The following SAMD3 variants were observed in gnomAD, a reference collection of about 807,000 sequenced individuals.
SAMD3 encodes the protein sterile alpha motif domain containing 3.
In SAMD3, 63 loss-of-function variants were observed where a neutral mutation model predicts 58.5. That is an observed-to-expected ratio of 1.08 (90% CI 0.88 to 1.33). SAMD3 has a LOEUF of 1.33. SAMD3 is among the 40% of genes most tolerant of loss of function. The pLI is 0.00. For synonymous variants in SAMD3, 220 were observed against 210.3 expected (o/e 1.05, Z -0.40); for missense variants, 604 against 608.4 (o/e 0.99, Z 0.08).
At chr6:130,269,583 G>A (rs1430119671) in intron 2 of SAMD3, among the ~76,000 whole-genome samples, 2 of 151,920 alleles carry the variant, frequency 1.3e-5, no homozygotes, top group Non-Finnish European at 2.9e-5. Flanking sequence ...TTCTGATATT[G>A]GTAATATGTG....
intron 2 of SAMD3, among the ~76,000 whole-genome samples, chr6:130,270,175 T>G (rs1774509313): frequency 6.6e-6 from 1 of 152,158 alleles, no homozygotes; most frequent in Non-Finnish European, 1.5e-5. Context: ...CACTGAAATT[T>G]CTGCCTCCCA....
At chr6:130,325,172 G>T (rs1169238599) in intron 1 of SAMD3, among the ~76,000 whole-genome samples, 1 of 152,176 alleles carries the variant, frequency 6.6e-6, no homozygotes, top group Non-Finnish European at 1.5e-5. Context: ...GGGTTCTCCA[G>T]AGAAAAAGAA....
At chr6:130,332,859 C>T (rs1338131614) in intron 1 of SAMD3, among the ~76,000 whole-genome samples, 1 of 152,076 alleles carries the variant, frequency 6.6e-6, no homozygotes, top group Non-Finnish European at 1.5e-5. Flanking sequence ...GCAGAAACAT[C>T]TTTATGTACT....
At chr6:130,280,689 A>G (rs1345419244) in intron 2 of SAMD3, among the ~76,000 whole-genome samples, 1 of 152,178 alleles carries the variant, frequency 6.6e-6, no homozygotes, top group Non-Finnish European at 1.5e-5. Context: ...ATCCCATATT[A>G]TAGTTATTTG....
chr6:130,296,551 G>A (rs1045459599), intron 2 of SAMD3, among the ~76,000 whole-genome samples: 2 of 152,158 alleles, frequency 1.3e-5, no homozygotes, highest in Non-Finnish European at 2.9e-5. Context: ...TTCCCACCGG[G>A]GGCCAGAGCA....
Position 130,312,563 on chromosome 6 carries a change from T to A in SAMD3, c.-188+415A>T, listed in dbSNP as rs72992403. Among the ~76,000 whole-genome samples, 11 of 152,296 alleles carry A rather than the reference T, an allele frequency of 7.2e-5. No homozygotes were observed. The East Asian group carries it at 2.1e-3, about 29-fold the overall frequency. ...AATTTTACCCCATTCAGTCTGGAACTCAGCATCAAGTTATTCTCGTTTTAG... is the reference window on the plus strand; with the variant it reads ...AATTTTACCCCATTCAGTCTGGAACACAGCATCAAGTTATTCTCGTTTTAG... On this transcript the variant is annotated intron_variant, in intron 2 of 13. Transcript: ENST00000368134.
At chr6:130,357,370 C>A (rs558603944) in intron 1 of SAMD3, among the ~76,000 whole-genome samples, 66 of 152,046 alleles carry the variant, frequency 4.3e-4, no homozygotes, top group African/African-American at 1.0e-3. Context: ...ATGATCTGCC[C>A]GCCTCGGCCT....
At chr6:130,228,572 T>C (rs944802418) in intron 2 of SAMD3, among the ~76,000 whole-genome samples, 2 of 152,188 alleles carry the variant, frequency 1.3e-5, no homozygotes, top group African/African-American at 2.4e-5. Context: ...TCATAGGTAT[T>C]TTTTAAAGCT....
At chr6:130,175,815 C>A in intron 8 of SAMD3, 26 bp downstream of exon 8, 1 of 1,475,918 alleles carries the variant, frequency 6.8e-7, no homozygotes, top group South Asian at 1.2e-5. Context: ...ATCAAGTCAT[C>A]AGAACATTTA....
intron 1 of SAMD3, among the ~76,000 whole-genome samples, chr6:130,338,088 C>A (rs115111243): frequency 6.6e-6 from 1 of 152,198 alleles, no homozygotes; most frequent in African/African-American, 2.4e-5. Context: ...GGGCTGGGCC[C>A]AGGGCCCCCG....
At chr6:130,365,721 G>T (rs1778119383), upstream of SAMD3, 2 of 985,410 alleles carry the variant, frequency 2.0e-6, no homozygotes, top group African/African-American at 3.5e-5. Context: ...GCCTGCAAGC[G>T]GGTACTTTGT....
intron 2 of SAMD3, among the ~76,000 whole-genome samples, chr6:130,241,807 TTTTTTAA>T (rs1233881432): frequency 6.6e-6 from 1 of 152,122 alleles, no homozygotes; most frequent in Non-Finnish European, 1.5e-5. Context: ...TTTATTTTCT[TTTTTTAA>T]TTTTTAATTT....
chr6:130,322,090 A>G (rs1776603543), intron 1 of SAMD3, among the ~76,000 whole-genome samples: 1 of 152,208 alleles, frequency 6.6e-6, no homozygotes, highest in Non-Finnish European at 1.5e-5. Context: ...GAAAATCACT[A>G]TGGGAACTCA....
At chr6:130,169,182 T>C (rs1197888347) in intron 8 of SAMD3, among the ~76,000 whole-genome samples, 5 of 152,094 alleles carry the variant, frequency 3.3e-5, no homozygotes, top group African/African-American at 1.2e-4. Flanking sequence ...ATAATGTTGG[T>C]AATCACTCTG....
In SAMD3 at chr6:130,222,742, T is replaced by C. The variant is rs1363978216; in HGVS notation, c.-116A>G. The C allele has an allele frequency of 6.6e-6, 1 of 152,190 alleles. No individual in the cohort carries two copies. Among genetic ancestry groups the C allele is most frequent in the Admixed American group, 6.5e-5 (1 of 15,282 alleles). The allele number at this position is 152,190 out of a possible 1,614,324, so 9.4% of individuals were successfully genotyped here. A position where few individuals can be genotyped will look rare whatever the true frequency, so the allele number is the denominator to read the frequency against. ...GGTCCATCTCTTCCAGAAGAGAAGATCAAAGGAGAGAGCACCCCTCCTCCC... is the reference window on the plus strand; with the variant it reads ...GGTCCATCTCTTCCAGAAGAGAAGACCAAAGGAGAGAGCACCCCTCCTCCC... On this transcript the variant is annotated 5_prime_UTR_variant, in exon 1 of 12. Transcript: ENST00000439090.
intron 2 of SAMD3, among the ~76,000 whole-genome samples, chr6:130,260,453 C>T (rs900087259): frequency 3.3e-5 from 5 of 152,222 alleles, no homozygotes; most frequent in Non-Finnish European, 5.9e-5. Context: ...CTCTCACGGA[C>T]CCCCATAGAG....
intron 2 of SAMD3, among the ~76,000 whole-genome samples, chr6:130,285,166 T>C (rs573175411): frequency 1.3e-5 from 2 of 152,184 alleles, no homozygotes; most frequent in African/African-American, 2.4e-5. Context: ...AAACGTTATA[T>C]ATAGTAGACA....
At chr6:130,144,931 C>A (rs1340299752) in intron 11 of SAMD3, 127 bp from the exon 12 acceptor site, 11 of 964,078 alleles carry the variant, frequency 1.1e-5, no homozygotes, top group Non-Finnish European at 1.7e-5. Context: ...ATATGACAAA[C>A]ATACTTCAAA....
At chr6:130,304,051 T>A (rs923934967) in intron 2 of SAMD3, among the ~76,000 whole-genome samples, 6 of 152,232 alleles carry the variant, frequency 3.9e-5, no homozygotes, top group Admixed American at 3.9e-4. Flanking sequence ...CTCCTATATG[T>A]TTAAATGTTT....
Sources: allele counts gnomAD v4.1 joint callset (sites outside exome capture counted in the v4.1 genomes callset), GRCh38; gene constraint gnomAD v4.1.1; transcripts MANE v1.5; gene names NCBI Gene and HGNC (gene_info 2026-07-23, HGNC 2026-07-21).